The following SPRR4 variants were observed in gnomAD, a reference collection of about 807,000 sequenced individuals.
SPRR4 encodes the protein small proline-rich protein 4.
For missense variants in SPRR4, 106 were observed against 91.6 expected (o/e 1.16, Z -0.64); for synonymous variants, 30 against 34.3 (o/e 0.87, Z 0.44).
In SPRR4 at chr1:152,972,152, C is replaced by T. The variant is rs1178317257; in HGVS notation, c.*22C>T. 3 of 1,613,576 alleles carry T rather than the reference C, an allele frequency of 1.9e-6. No individual in the cohort carries two copies. The highest frequency in any genetic ancestry group is 2.5e-6 in the Non-Finnish European group (3 of 1,179,588). On this transcript the variant is annotated 3_prime_UTR_variant, in exon 2 of 2. Transcript: ENST00000328051. ...GTAAGGATGGACTGGATATTACCAT[C>T]ATCCACCATCCTGGCTACCAGATGG...
upstream of SPRR4, among the ~76,000 whole-genome samples, chr1:152,970,158 C>T (rs1341567256): frequency 1.3e-5 from 2 of 152,174 alleles, no homozygotes; most frequent in Non-Finnish European, 2.9e-5. Context: ...AAAATGGTAA[C>T]AACGACACTT....
At chr1:152,970,849 G>A (rs1337298666) in intron 1 of SPRR4, among the ~76,000 whole-genome samples, 155 bp downstream of exon 1, 1 of 152,154 alleles carries the variant, frequency 6.6e-6, no homozygotes, top group Non-Finnish European at 1.5e-5. Context: ...CACACTAATC[G>A]GTACTTAGAA....
At chr1:152,971,744 C>A in intron 1 of SPRR4, 127 bp from the exon 2 acceptor site, 6 of 1,258,606 alleles carry the variant, frequency 4.8e-6, no homozygotes, top group Non-Finnish European at 6.6e-6. Flanking sequence ...CCAGATCTGT[C>A]AGCTAAGATG....
chr1:152,968,896 T>G (rs567540340), upstream of SPRR4, among the ~76,000 whole-genome samples: 26 of 152,340 alleles, frequency 1.7e-4, no homozygotes, highest in African/African-American at 6.0e-4. Context: ...TCTATGTCCA[T>G]GCAAATCTGT....
rs16834786 is a variant in SPRR4 at position 152,972,023 on chromosome 1, C to T, written c.133C>T (p.Pro45Ser). 8.5e-3 allele frequency: 13,717 copies of T among 1,614,004 alleles called. 832 individuals carry two copies. The African/African-American group carries it at 0.14, about 17-fold the overall frequency. The change falls in exon 2 of 2, where the codon CCA (proline) becomes TCA (serine). Residue 45 changes from proline (P) to serine (S), a missense_variant. Physicochemically the swap from Pro to Ser is moderately conservative, Grantham distance 74. Coordinates refer to ENST00000328051, the MANE Select transcript of SPRR4 (RefSeq NM_173080.3). Reference protein sequence around the residue: ...QETCAPKTKDPCAPQVKKQCP... With the variant: ...QETCAPKTKDSCAPQVKKQCP... ...GACATGTGCACCCAAAACCAAGGAT[C>T]CATGTGCTCCCCAGGTCAAGAAGCA...
At chr1:152,971,767 C>T (rs1400784977) in intron 1 of SPRR4, 104 bp from the exon 2 acceptor site, 4 of 1,443,088 alleles carry the variant, frequency 2.8e-6, no homozygotes, top group Non-Finnish European at 3.8e-6. Flanking sequence ...ATGCTTTGAC[C>T]TTGTAAAATG....
upstream of SPRR4, among the ~76,000 whole-genome samples, chr1:152,968,897 G>A (rs57877962): frequency 0.13 from 19,406 of 152,238 alleles, 3,873 homozygotes; most frequent in African/African-American, 0.43. Flanking sequence ...CTATGTCCAT[G>A]CAAATCTGTC....
upstream of SPRR4, among the ~76,000 whole-genome samples, chr1:152,969,561 C>A (rs1651770908): frequency 6.6e-6 from 1 of 152,136 alleles, no homozygotes; most frequent in South Asian, 2.1e-4. Context: ...GGTGGACCAG[C>A]TTCCCAGAGG....
rs1570942530 is a variant in SPRR4, at chr1:152,971,927, T to C, written c.37T>C (p.Cys13Arg). 1 of 1,613,774 alleles carries C rather than the reference T, an allele frequency of 6.2e-7. No individual in the cohort carries two copies. The highest frequency in any genetic ancestry group is 8.5e-7 in the Non-Finnish European group (1 of 1,179,994). Reference sequence around the variant, plus strand: ...GCAGCAGCAGCGGCAGCAGCAGCAGTGCCCACCCCAGAGGGCCCAGCAGCA... The same window carrying C: ...GCAGCAGCAGCGGCAGCAGCAGCAGCGCCCACCCCAGAGGGCCCAGCAGCA... ...SQQQQRQQQQ[C>R]PPQRAQQQQV... is the part of the protein sequence containing the mutation. Residue 13 changes from cysteine to arginine, a missense_variant, in exon 2 of 2, where the codon TGC (cysteine) becomes CGC (arginine). By Grantham distance (180) the Cys-to-Arg change is radical (BLOSUM62 -3). Transcript: ENST00000328051.
Position 152,972,322 on chromosome 1 carries a change from T to G in SPRR4, c.*192T>G. ...CCACACATACCACCTTGGCTTCTTC[T>G]ATATCCCACCCCGATGCTCTCCCAG... On this transcript the variant is annotated 3_prime_UTR_variant, in exon 2 of 2. Transcript: ENST00000328051. 3 of 906,010 alleles carry G rather than the reference T, an allele frequency of 3.3e-6. No individual in the cohort carries two copies. Among genetic ancestry groups the G allele is most frequent in the Non-Finnish European group, 5.0e-6 (3 of 603,260 alleles). The allele number at this position is 906,010 out of a possible 1,614,324, so 56.1% of individuals were successfully genotyped here.
chr1:152,971,912 C>T lies in SPRR4; in HGVS notation c.22C>T (p.Arg8Trp), dbSNP rs201207143. ...AGCAATGTCTTCCCAGCAGCAGCAG[C>T]GGCAGCAGCAGCAGTGCCCACCCCA... Reference protein sequence around the residue: MSSQQQQRQQQQCPPQRA... With the variant: MSSQQQQWQQQQCPPQRA... The change falls in exon 2 of 2, where the codon CGG becomes TGG. Residue 8 changes from arginine to tryptophan, a missense_variant. Coordinates refer to ENST00000328051, the MANE Select transcript of SPRR4 (RefSeq NM_173080.3). 45 of 1,608,014 alleles carry T rather than the reference C, an allele frequency of 2.8e-5. No homozygotes were observed. In the Middle Eastern group the frequency reaches 5.0e-4, roughly 18 times the overall value.
chr1:152,970,391 T>C (rs2101549025), upstream of SPRR4, among the ~76,000 whole-genome samples: 1 of 152,372 alleles, frequency 6.6e-6, no homozygotes. Flanking sequence ...ATTTGTACTA[T>C]ATTTAAAAGA....
In SPRR4 at chr1:152,972,070, C is replaced by G; in HGVS notation, c.180C>G (p.Ile60Met). The G allele has an allele frequency of 6.2e-7, 1 of 1,614,152 alleles. No homozygotes were observed. The highest frequency in any genetic ancestry group is 2.2e-5 in the East Asian group (1 of 44,876). ...VKKQCPPKGT[I>M]IPAQQKCPSA... The stretch of plus-strand genomic sequence containing the variant: ...AGCAATGCCCACCGAAAGGCACCAT[C>G]ATTCCAGCCCAGCAGAAGTGTCCCT... Residue 60 changes from isoleucine (I) to methionine (M), a missense_variant, in exon 2 of 2, where the codon ATC (isoleucine) becomes ATG (methionine). Ile to Met is a conservative substitution (Grantham distance 10, BLOSUM62 1). Coordinates refer to ENST00000328051, the MANE Select transcript of SPRR4 (RefSeq NM_173080.3).
upstream of SPRR4, among the ~76,000 whole-genome samples, chr1:152,969,301 C>T (rs1651765100): frequency 6.6e-6 from 1 of 152,188 alleles, no homozygotes; most frequent in Non-Finnish European, 1.5e-5. Flanking sequence ...CCAGCTCCAC[C>T]CTGAGCAGCT....
At chr1:152,971,385 C>A (rs892000291) in intron 1 of SPRR4, among the ~76,000 whole-genome samples, 4 of 152,080 alleles carry the variant, frequency 2.6e-5, no homozygotes, top group African/African-American at 9.7e-5. Flanking sequence ...CTTTGAACAT[C>A]CTCCTGTCAT....
chr1:152,969,241 A>T (rs1310245171), upstream of SPRR4, among the ~76,000 whole-genome samples: 1 of 152,110 alleles, frequency 6.6e-6, no homozygotes, highest in African/African-American at 2.4e-5. Flanking sequence ...CACCATGGAG[A>T]TGCTGACTGC....
chr1:152,969,252 G>C (rs942153337), upstream of SPRR4, among the ~76,000 whole-genome samples: 10 of 152,208 alleles, frequency 6.6e-5, no homozygotes, highest in Admixed American at 2.0e-4. Flanking sequence ...TGCTGACTGC[G>C]GTGATGGAGT....
chr1:152,972,478 G>T lies in SPRR4; in HGVS notation c.*348G>T. On this transcript the variant is annotated 3_prime_UTR_variant, in exon 2 of 2. Transcript: ENST00000328051. ...CACCCTGACAAGTAGGGTCACAGAGGCTGGTGCACAGTTTCTGCCTCATTC... is the reference window on the plus strand; with the variant it reads ...CACCCTGACAAGTAGGGTCACAGAGTCTGGTGCACAGTTTCTGCCTCATTC... 1 of 314,218 alleles carries T rather than the reference G, an allele frequency of 3.2e-6. No individual in the cohort carries two copies. Among genetic ancestry groups the T allele is most frequent in the South Asian group, 4.4e-5 (1 of 22,912 alleles). 19.5% of individuals were successfully genotyped at this position (314,218 alleles called of 1,614,324 possible).
chr1:152,972,269 T>A lies in SPRR4; in HGVS notation c.*139T>A, dbSNP rs1651873803. ...CTGCCCAAGATGTAAGGAAGCATTG[T>A]AAGGATTTCTTCCCATCGTACCCTT... is the stretch of plus-strand genomic sequence containing the variant. On this transcript the variant is annotated 3_prime_UTR_variant, in exon 2 of 2. Transcript: ENST00000328051. 5.8e-6 allele frequency: 8 copies of A among 1,370,168 alleles called. No individual in the cohort carries two copies. The highest frequency in any genetic ancestry group is 7.9e-6 in the Non-Finnish European group (8 of 1,010,088). The allele number at this position is 1,370,168 out of a possible 1,614,324, so 84.9% of individuals were successfully genotyped here. A position where few individuals can be genotyped will look rare whatever the true frequency, so the allele number is the denominator to read the frequency against.
Sources: gnomAD v4.1 joint callset for allele counts (sites outside exome capture counted in the v4.1 genomes callset) on GRCh38, gnomAD v4.1.1 for gene constraint, MANE v1.5 for transcripts, NCBI Gene and HGNC (gene_info 2026-07-23, HGNC 2026-07-21) for gene names.